FAM227B: variants seen among roughly 807,000 people sequenced by gnomAD.
FAM227B encodes the protein protein FAM227B.
In FAM227B, 88 loss-of-function variants were observed where a neutral mutation model predicts 73.8. That is an observed-to-expected ratio of 1.19 (90% confidence interval 1.00 to 1.42). FAM227B has a LOEUF of 1.42. FAM227B is among the 40% of genes most tolerant of loss of function. FAM227B has a pLI of 0.00. For missense variants in FAM227B, 632 were observed against 590.9 expected, an observed-to-expected ratio of 1.07 and a Z score of -0.72; for synonymous variants, 210 against 190.5, an observed-to-expected ratio of 1.10 and a Z score of -0.84.
At chr15:49,455,850 T>C (rs971504400) in intron 11 of FAM227B, among the ~76,000 whole-genome samples, 5 of 152,210 alleles carry the variant, frequency 3.3e-5, no homozygotes, top group Non-Finnish European at 5.9e-5. Context: ...ACCATGGCTT[T>C]TTTCTTTTTT....
chr15:49,542,455 GTAGGCTTT>G (rs1227947786), intron 9 of FAM227B, among the ~76,000 whole-genome samples: 1 of 152,012 alleles, frequency 6.6e-6, no homozygotes, highest in Non-Finnish European at 1.5e-5. Context: ...TACCCAATTT[GTAGGCTTT>G]TATCCCTCAT....
intron 13 of FAM227B, among the ~76,000 whole-genome samples, chr15:49,343,068 A>G (rs1567109516): frequency 2.0e-5 from 3 of 152,120 alleles, no homozygotes; most frequent in Non-Finnish European, 4.4e-5. Flanking sequence ...CTACCTCTCT[A>G]ACAAGATAAC....
chr15:49,586,434 C>A (rs1270823735), intron 5 of FAM227B, among the ~76,000 whole-genome samples: 2 of 152,080 alleles, frequency 1.3e-5, no homozygotes, highest in Non-Finnish European at 2.9e-5. Context: ...ACTATGAAAA[C>A]CCTGGAAGAC....
At chr15:49,456,023 T>C (rs1236427227) in intron 11 of FAM227B, among the ~76,000 whole-genome samples, 1 of 152,152 alleles carries the variant, frequency 6.6e-6, no homozygotes, top group African/African-American at 2.4e-5. Flanking sequence ...CAACATGCTG[T>C]TACATGCTTT....
intron 11 of FAM227B, among the ~76,000 whole-genome samples, chr15:49,422,118 C>CAGAGAGAG (rs1432810961): frequency 5.1e-5 from 4 of 79,098 alleles, no homozygotes; most frequent in Non-Finnish European, 4.9e-5. Flanking sequence ...GTGCATTTCA[C>CAGAGAGAG]ATAGAGAGAG....
intron 11 of FAM227B, among the ~76,000 whole-genome samples, chr15:49,399,564 C>A (rs1462278782): frequency 6.7e-6 from 1 of 149,072 alleles, no homozygotes; most frequent in African/African-American, 2.4e-5. Context: ...AATTTTAGAC[C>A]AATATCCTTG....
chr15:49,337,508 CT>C (rs33973907), intron 13 of FAM227B, among the ~76,000 whole-genome samples: 927 of 36,058 alleles, frequency 0.026, 5 homozygotes, highest in African/African-American at 0.074. Flanking sequence ...CATTTACCCA[CT>C]TTTTTTTTTT....
At chr15:49,560,707 G>C (rs571264541) in intron 9 of FAM227B, among the ~76,000 whole-genome samples, 10 of 152,260 alleles carry the variant, frequency 6.6e-5, no homozygotes, top group Admixed American at 5.2e-4. Flanking sequence ...AACCAGAATA[G>C]ATTGGAGGTC....
chr15:49,475,968 A>G (rs1374525482), intron 11 of FAM227B, among the ~76,000 whole-genome samples: 2 of 152,086 alleles, frequency 1.3e-5, no homozygotes, highest in African/African-American at 2.4e-5. Context: ...CCCTCTCACT[A>G]TTTTGTTACA....
chr15:49,492,611 CTAAT>C (rs1454919920), intron 11 of FAM227B, among the ~76,000 whole-genome samples: 2 of 151,830 alleles, frequency 1.3e-5, no homozygotes, highest in Admixed American at 1.3e-4. Context: ...ATAAATCTTC[CTAAT>C]TATCTCCATT....
Position 49,574,894 on chromosome 15 carries a change from A to G in FAM227B, c.645+117T>C, listed in dbSNP as rs1017689589. ...GGATTTCTAATGTGTGGAATGCTCA[A>G]AAACTAATCTCTGTAGTTGCATCCA... On this transcript the variant is annotated intron_variant, in intron 8 of 15. Coordinates refer to ENST00000299338, the MANE Select transcript of FAM227B (RefSeq NM_152647.3). 8.9e-6 allele frequency: 5 copies of G among 560,560 alleles called. No homozygotes were observed. The African/African-American group carries it at 9.7e-5, about 11-fold the overall frequency. 34.7% of individuals were successfully genotyped at this position (560,560 alleles called of 1,614,324 possible).
At chr15:49,616,925 A>G (rs2078326509) in intron 1 of FAM227B, among the ~76,000 whole-genome samples, 1 of 152,164 alleles carries the variant, frequency 6.6e-6, no homozygotes, top group African/African-American at 2.4e-5. Context: ...TGGTCAGTCT[A>G]TCTAAAGGCT....
rs144382419 is a variant in FAM227B at position 49,577,395 on chromosome 15, A to G, written c.441+234T>C. ...TATGTCATATCTAAAATAAAAACAA[A>G]ATCATATTTCAGAACTAATTTTGAT... On this transcript the variant is annotated intron_variant, in intron 6 of 15. Coordinates refer to ENST00000299338, the MANE Select transcript of FAM227B (RefSeq NM_152647.3). 352 of 435,896 alleles carry G rather than the reference A, an allele frequency of 8.1e-4. 2 individuals are homozygous for G. Among genetic ancestry groups the G allele is most frequent in the African/African-American group, 6.8e-3 (335 of 48,990 alleles). The allele number at this position is 435,896 out of a possible 1,614,324, so 27.0% of individuals were successfully genotyped here. A position where few individuals can be genotyped will look rare whatever the true frequency, so the allele number is the denominator to read the frequency against.
intron 8 of FAM227B, among the ~76,000 whole-genome samples, chr15:49,573,006 T>A (rs2075217088): frequency 6.6e-6 from 1 of 151,876 alleles, no homozygotes; most frequent in Non-Finnish European, 1.5e-5. Flanking sequence ...TTTTTCCACT[T>A]TCTTAAGGTA....
intron 1 of FAM227B, among the ~76,000 whole-genome samples, chr15:49,618,789 G>A (rs1164345910): frequency 6.6e-6 from 1 of 152,208 alleles, no homozygotes; most frequent in Non-Finnish European, 1.5e-5. Context: ...GGGGGTAACA[G>A]ATGAAATATT....
chr15:49,529,195 T>C (rs537101982), intron 10 of FAM227B, among the ~76,000 whole-genome samples: 5 of 151,764 alleles, frequency 3.3e-5, no homozygotes, highest in African/African-American at 9.6e-5. Flanking sequence ...GAGCTGGATG[T>C]CATTATTCTA....
At chr15:49,433,590 A>C (rs1475439647) in intron 11 of FAM227B, among the ~76,000 whole-genome samples, 1 of 151,752 alleles carries the variant, frequency 6.6e-6, no homozygotes, top group Non-Finnish European at 1.5e-5. Flanking sequence ...TATCACTAAA[A>C]AAAAATGGCC....
At chr15:49,578,602 G>C (rs966426816) in intron 5 of FAM227B, among the ~76,000 whole-genome samples, 9 of 151,932 alleles carry the variant, frequency 5.9e-5, no homozygotes, top group African/African-American at 2.2e-4. Flanking sequence ...ACATATATTA[G>C]AAAGAAGATG....
chr15:49,404,543 G>A (rs1225712483), intron 11 of FAM227B, among the ~76,000 whole-genome samples: 1 of 151,636 alleles, frequency 6.6e-6, no homozygotes, highest in Non-Finnish European at 1.5e-5. Context: ...TTTTATGTTT[G>A]TTGGTTTAAA....
Sources: gnomAD v4.1 joint callset for allele counts (sites outside exome capture counted in the v4.1 genomes callset) on GRCh38, gnomAD v4.1.1 for gene constraint, MANE v1.5 for transcripts, NCBI Gene and HGNC (gene_info 2026-07-23, HGNC 2026-07-21) for gene names.